Variants in FBXL17 observed in about 807,000 individuals in gnomAD.
FBXL17 encodes the protein F-box and leucine rich repeat protein 17.
In FBXL17, 22 loss-of-function variants were observed where a neutral mutation model predicts 66.2. The observed-to-expected ratio is 0.33, with a 90% CI of 0.24 to 0.47. The LOEUF is 0.47. FBXL17 is among the 20% of genes least tolerant of loss of function. The pLI is 1.00. For missense variants in FBXL17, 878 were observed against 948.2 expected, an observed-to-expected ratio of 0.93 and a Z score of 0.97; for synonymous variants, 474 against 400.5, an observed-to-expected ratio of 1.18 and a Z score of -2.19.
intron 6 of FBXL17, among the ~76,000 whole-genome samples, chr5:108,138,599 T>C (rs1706920665): frequency 6.6e-6 from 1 of 152,192 alleles, no homozygotes. Flanking sequence ...CAGGTAGTCA[T>C]AAAGAAAGTT....
intron 8 of FBXL17, among the ~76,000 whole-genome samples, chr5:107,868,794 GTGGACTTCTGA>G (rs1748357563): frequency 6.6e-6 from 1 of 152,226 alleles, no homozygotes; most frequent in Non-Finnish European, 1.5e-5. Flanking sequence ...TGATATTTCA[GTGGACTTCTGA>G]AGGACAAAGA....
intron 4 of FBXL17, among the ~76,000 whole-genome samples, chr5:108,303,393 CA>C (rs1758684268): frequency 1.1e-4 from 16 of 149,324 alleles, no homozygotes; most frequent in South Asian, 4.2e-4. Context: ...CACACACACA[CA>C]CATACCCACA....
rs1016446482 is a variant in FBXL17, at chr5:107,965,163, A to T, written c.1822+55762T>A. Among the ~76,000 whole-genome samples the T allele has an allele frequency of 2.0e-5, 3 of 152,144 alleles. No individual in the cohort carries two copies. In the South Asian group the frequency reaches 6.2e-4, roughly 31 times the overall value. ...CAGCTGAAACAAATGCCTTGATCTT[A>T]AGAGCTTGTGTGGGTATTTTCATTG... On this transcript the variant is annotated intron_variant, in intron 7 of 8. Coordinates refer to ENST00000542267, the MANE Select transcript of FBXL17 (RefSeq NM_001163315.3).
At chr5:107,903,248 C>G (rs1343542969) in intron 7 of FBXL17, among the ~76,000 whole-genome samples, 3 of 152,058 alleles carry the variant, frequency 2.0e-5, no homozygotes. Context: ...ATTAGCTTTA[C>G]TTGATACACC....
At chr5:108,249,157 T>C (rs902909473) in intron 4 of FBXL17, among the ~76,000 whole-genome samples, 12 of 152,106 alleles carry the variant, frequency 7.9e-5, no homozygotes, top group African/African-American at 2.9e-4. Context: ...CCCATTTTTT[T>C]CCCTTTTCAC....
chr5:107,983,466 T>C (rs1391643456), intron 7 of FBXL17, among the ~76,000 whole-genome samples: 1 of 151,710 alleles, frequency 6.6e-6, no homozygotes, highest in Non-Finnish European at 1.5e-5. Context: ...AGTGTTGAGA[T>C]AACAGGCATG....
chr5:108,298,357 A>C lies in FBXL17; in HGVS notation c.1506+50042T>G, dbSNP rs193020089. The C allele has an allele frequency of 2.7e-3, 2,648 of 982,896 alleles. 1 individual carries two copies. Among genetic ancestry groups the C allele is most frequent in the Non-Finnish European group, 3.0e-3 (2,502 of 827,704 alleles). 60.9% of individuals were successfully genotyped at this position (982,896 alleles called of 1,614,324 possible). A position where few individuals can be genotyped will look rare whatever the true frequency, so the allele number is the denominator to read the frequency against. ...AATCGTTTTTGTATAAAATCTGTGC[A>C]TAGAGAAAGTTATTTCTTTCTACTC... On this transcript the variant is annotated intron_variant, in intron 4 of 8. Transcript: ENST00000542267.
intron 5 of FBXL17, among the ~76,000 whole-genome samples, chr5:108,223,682 C>A (rs74638502): frequency 0.099 from 15,020 of 152,060 alleles, 1,022 homozygotes; most frequent in Non-Finnish European, 0.15. Context: ...ACTCTCTGAG[C>A]CACAATGTAA....
At chr5:108,153,041 C>A (rs2149997743) in intron 6 of FBXL17, among the ~76,000 whole-genome samples, 1 of 152,208 alleles carries the variant, frequency 6.6e-6, no homozygotes, top group Non-Finnish European at 1.5e-5. Flanking sequence ...GGGGGAGTTA[C>A]CCTGCACATG....
chr5:107,897,095 A>G (rs898152603), intron 7 of FBXL17, among the ~76,000 whole-genome samples: 3 of 152,162 alleles, frequency 2.0e-5, no homozygotes, highest in Admixed American at 6.5e-5. Context: ...GCCTAAAAAA[A>G]TACTAAGATA....
intron 8 of FBXL17, among the ~76,000 whole-genome samples, chr5:107,869,657 G>A (rs1001991191): frequency 2.0e-5 from 3 of 152,078 alleles, no homozygotes; most frequent in African/African-American, 7.2e-5. Flanking sequence ...GCAGGACTTC[G>A]CATGTCCCTG....
Position 108,367,723 on chromosome 5 carries a change from T to C in FBXL17, c.1116+108A>G, listed in dbSNP as rs544167064. 9 of 930,622 alleles carry C rather than the reference T, an allele frequency of 9.7e-6. No homozygotes were observed. In the South Asian group the frequency reaches 2.0e-4, roughly 21 times the overall value. The allele number at this position is 930,622 out of a possible 1,614,324, so 57.6% of individuals were successfully genotyped here. ...AGAAGCACAAAATTGTAGATTACAG[T>C]GATTTGAACTATCTTAAAAAACAAG... On this transcript the variant is annotated intron_variant, in intron 2 of 8. Transcript: ENST00000542267.
intron 4 of FBXL17, among the ~76,000 whole-genome samples, chr5:108,293,843 C>T (rs1292256244): frequency 6.6e-6 from 1 of 151,708 alleles, no homozygotes; most frequent in Non-Finnish European, 1.5e-5. Flanking sequence ...AAATTCAAGA[C>T]CAACCTGGCC....
At chr5:107,931,846 C>T (rs1750746858) in intron 7 of FBXL17, among the ~76,000 whole-genome samples, 1 of 151,986 alleles carries the variant, frequency 6.6e-6, no homozygotes, top group Non-Finnish European at 1.5e-5. Flanking sequence ...ACATAACTAC[C>T]ACTCGGTATT....
At chr5:108,163,174 A>T (rs1752278695) in intron 6 of FBXL17, among the ~76,000 whole-genome samples, 1 of 152,110 alleles carries the variant, frequency 6.6e-6, no homozygotes, top group Non-Finnish European at 1.5e-5. Context: ...GACAGTTACA[A>T]CGAAAGAGGT....
chr5:108,005,264 G>A (rs912179712), intron 7 of FBXL17, among the ~76,000 whole-genome samples: 8 of 152,190 alleles, frequency 5.3e-5, no homozygotes, highest in Non-Finnish European at 8.8e-5. Flanking sequence ...TGGACGATAC[G>A]TAAAGTATCA....
chr5:108,238,634 TC>T (rs1195841970), intron 4 of FBXL17, among the ~76,000 whole-genome samples: 2 of 152,048 alleles, frequency 1.3e-5, no homozygotes, highest in Non-Finnish European at 2.9e-5. Context: ...CCTCACCCTT[TC>T]CGGTAGCTTG....
intron 7 of FBXL17, among the ~76,000 whole-genome samples, chr5:107,898,546 T>C (rs1055219475): frequency 1.2e-4 from 18 of 152,184 alleles, no homozygotes; most frequent in Non-Finnish European, 2.2e-4. Flanking sequence ...TAGGTATACA[T>C]GTGCCATGGT....
intron 4 of FBXL17, among the ~76,000 whole-genome samples, chr5:108,286,761 A>T (rs955731936): frequency 1.3e-5 from 2 of 151,988 alleles, no homozygotes; most frequent in East Asian, 3.9e-4. Context: ...CAACGACATT[A>T]TTCACAGAAT....
Sources: allele counts gnomAD v4.1 joint callset (sites outside exome capture counted in the v4.1 genomes callset), GRCh38; gene constraint gnomAD v4.1.1; transcripts MANE v1.5; gene names NCBI Gene and HGNC (gene_info 2026-07-23, HGNC 2026-07-21).